Variants in TMEM120A observed in about 807,000 individuals in gnomAD.
The protein encoded by TMEM120A is transmembrane protein 120A.
A neutral mutation model predicts 54.3 loss-of-function variants in TMEM120A; 45 were observed. That is an observed-to-expected ratio of 0.83 (90% CI 0.65 to 1.06). The LOEUF is 1.06. Ranked by LOEUF, TMEM120A falls within the 50% of genes least tolerant of loss-of-function variation. The pLI, the probability that TMEM120A is intolerant of heterozygous loss-of-function variation, is 0.00. For synonymous variants in TMEM120A, 204 were observed against 178.5 expected, an observed-to-expected ratio of 1.14 and a Z score of -1.14; for missense variants, 424 against 441.7, an observed-to-expected ratio of 0.96 and a Z score of 0.36.
At position 75,987,989 on chromosome 7, in the gene TMEM120A, G is replaced by A. The variant is rs782681632; in HGVS notation, c.630-5C>T. 6.3e-7 allele frequency: 1 copy of A among 1,599,162 alleles called. No homozygotes were observed. The highest frequency in any genetic ancestry group is 8.5e-7 in the Non-Finnish European group (1 of 1,173,490). On this transcript the variant is annotated splice_region_variant and splice_polypyrimidine_tract_variant and intron_variant, in intron 7 of 11. Coordinates refer to ENST00000493111, the MANE Select transcript of TMEM120A (RefSeq NM_031925.3). Reference sequence around the variant, plus strand: ...TGGTACATGAGACCGTCGGGCCTAAGGTAAAAAGTGGAGGGCAGTGTGGGG... The same window carrying A: ...TGGTACATGAGACCGTCGGGCCTAAAGTAAAAAGTGGAGGGCAGTGTGGGG...
In TMEM120A at chr7:75,988,498, C is replaced by G. The variant is rs1585141203; in HGVS notation, c.396G>C (p.Glu132Asp). ...TGAGGTAGAGCTTGAACTTCTCATA[C>G]TCGTCCTTGTAGGCAAACCTGGGGG... ...SKQAKFAYKD[E>D]YEKFKLYLTI... The change falls in exon 5 of 12, where the codon GAG becomes GAC. Residue 132 changes from glutamate to aspartate, a missense_variant. Transcript: ENST00000493111. 3 of 1,607,552 alleles carry G rather than the reference C, an allele frequency of 1.9e-6. No homozygotes were observed. The highest frequency in any genetic ancestry group is 2.5e-6 in the Non-Finnish European group (3 of 1,178,776).
At chr7:75,988,041 C>A in intron 7 of TMEM120A, 42 bp downstream of exon 7, 1 of 1,597,058 alleles carries the variant, frequency 6.3e-7, no homozygotes, top group Middle Eastern at 1.7e-4. Context: ...TGTATCCCCT[C>A]CTTGTCCCAG....
At chr7:75,993,787 C>T (rs1554562394) in intron 1 of TMEM120A, among the ~76,000 whole-genome samples, 2 of 152,202 alleles carry the variant, frequency 1.3e-5, no homozygotes, top group African/African-American at 4.8e-5. Context: ...CTCTTCCCTG[C>T]CTGGATGAGG....
chr7:75,993,531 G>T (rs560769832), intron 1 of TMEM120A, among the ~76,000 whole-genome samples: 2 of 152,366 alleles, frequency 1.3e-5, no homozygotes, highest in Non-Finnish European at 2.9e-5. Context: ...CAGGCGGGGA[G>T]ACTGGGTCTG....
rs1295147163 is a variant in TMEM120A, at chr7:75,992,328, G to A, written c.201-68C>T. 6.4e-6 allele frequency: 10 copies of A among 1,551,572 alleles called. No homozygotes were observed. In the African/African-American group the frequency reaches 1.4e-4, roughly 21 times the overall value. On this transcript the variant is annotated intron_variant, in intron 2 of 11. Coordinates refer to ENST00000493111, the MANE Select transcript of TMEM120A (RefSeq NM_031925.3). The stretch of plus-strand genomic sequence containing the variant: ...AGTGTCCTCCCTGACTCCCACAGGG[G>A]CAGAAGGGCAAACAGGGCCCAGAGA...
chr7:75,993,739 C>T (rs1278738410), intron 1 of TMEM120A, among the ~76,000 whole-genome samples: 5 of 152,210 alleles, frequency 3.3e-5, no homozygotes, highest in Admixed American at 6.5e-5. Flanking sequence ...CCCTCGGACC[C>T]CAGCACGTGC....
In TMEM120A at chr7:75,989,228, G is replaced by T; in HGVS notation, c.318-4C>A. The T allele has an allele frequency of 6.4e-7, 1 of 1,560,970 alleles. No homozygotes were observed. On this transcript the variant is annotated splice_region_variant and splice_polypyrimidine_tract_variant and intron_variant, in intron 3 of 11. Coordinates refer to ENST00000493111, the MANE Select transcript of TMEM120A (RefSeq NM_031925.3). The stretch of plus-strand genomic sequence containing the variant: ...CAGAACCAGGCTCAGGTACAATCTA[G>T]GGAAGGGGGTGGCGGGGTGAGGAGA...
chr7:75,987,169 G>C lies in TMEM120A; in HGVS notation c.*3C>G, dbSNP rs200223794. 1 of 1,593,570 alleles carries C rather than the reference G, an allele frequency of 6.3e-7. No individual in the cohort carries two copies. The highest frequency in any genetic ancestry group is 1.1e-5 in the South Asian group (1 of 87,868). On this transcript the variant is annotated 3_prime_UTR_variant, in exon 12 of 12. Transcript: ENST00000493111. ...CTCTGGGCCGGCAGGGGAAGGCCCA[G>C]CCTCAATCCTTCTTGCTCCCGTGCC... is the stretch of plus-strand genomic sequence containing the variant.
chr7:75,994,141 C>T (rs1341177783), intron 1 of TMEM120A, among the ~76,000 whole-genome samples: 5 of 152,234 alleles, frequency 3.3e-5, no homozygotes, highest in Admixed American at 6.5e-5. Flanking sequence ...TCGGGCGCTG[C>T]CCGCTGCGCG....
chr7:75,992,249 G>A lies in TMEM120A; in HGVS notation c.212C>T (p.Ser71Phe), dbSNP rs371384423. 1.5e-5 allele frequency: 24 copies of A among 1,608,808 alleles called. No individual in the cohort carries two copies. The highest frequency in any genetic ancestry group is 2.0e-5 in the Non-Finnish European group (23 of 1,177,508). The change falls in exon 3 of 12, where the codon TCC becomes TTC. Residue 71 changes from serine to phenylalanine, a missense_variant. Coordinates refer to ENST00000493111, the MANE Select transcript of TMEM120A (RefSeq NM_031925.3). ...GGCCCCCTCGGCCTCTGCTGGGAGG[G>A]AGGGTTTGCATCTGCGGGTAAGGCC... Reference protein sequence around the residue: ...LALALKKCKPSLPAEAEGAAQ... With the variant: ...LALALKKCKPFLPAEAEGAAQ...
rs537155232 is a variant in TMEM120A, at chr7:75,987,080, CCT to C, written c.*90_*91del. 2.5e-5 allele frequency: 27 copies of C among 1,080,380 alleles called. No homozygotes were observed. Among genetic ancestry groups the C allele is most frequent in the Admixed American group, 1.1e-4 (5 of 47,592 alleles). 66.9% of individuals were successfully genotyped at this position (1,080,380 alleles called of 1,614,324 possible). A position where few individuals can be genotyped will look rare whatever the true frequency, so the allele number is the denominator to read the frequency against. On this transcript the variant is annotated 3_prime_UTR_variant, in exon 12 of 12. Transcript: ENST00000493111. ...ACCCAAGGGAGAATAGAAGAGACCC[CCT>C]GATACACGCACACTCGAGGGGCGCC...
intron 3 of TMEM120A, among the ~76,000 whole-genome samples, chr7:75,989,765 C>G (rs1383410825): frequency 6.6e-6 from 1 of 152,078 alleles, no homozygotes; most frequent in African/African-American, 2.4e-5. Context: ...CACGACCCCC[C>G]TTGTCCCTCA....
At chr7:75,989,645 C>A (rs1223429052) in intron 3 of TMEM120A, among the ~76,000 whole-genome samples, 1 of 151,900 alleles carries the variant, frequency 6.6e-6, no homozygotes, top group East Asian at 1.9e-4. Flanking sequence ...ACTTCAGAGA[C>A]CCACACGCCT....
intron 3 of TMEM120A, among the ~76,000 whole-genome samples, chr7:75,989,550 C>T (rs751647081): frequency 6.6e-6 from 1 of 151,334 alleles, no homozygotes; most frequent in African/African-American, 2.4e-5. Context: ...GTCCCCCTGT[C>T]CCCGATTGCT....
intron 3 of TMEM120A, 76 bp downstream of exon 3, chr7:75,992,068 A>G: frequency 2.8e-6 from 3 of 1,065,052 alleles, no homozygotes; most frequent in Non-Finnish European, 4.2e-6. Flanking sequence ...TGCTGACTAT[A>G]ATGACCAAGA....
intron 1 of TMEM120A, among the ~76,000 whole-genome samples, chr7:75,994,077 C>A (rs1554562516): frequency 6.6e-6 from 1 of 152,106 alleles, no homozygotes; most frequent in African/African-American, 2.4e-5. Flanking sequence ...GGGCGTCCCC[C>A]ATCCAGGCCG....
rs1389635118 is a variant in TMEM120A at position 75,988,132 on chromosome 7, C to T, written c.580G>A (p.Val194Met). 1.2e-6 allele frequency: 2 copies of T among 1,610,566 alleles called. No homozygotes were observed. The highest frequency in any genetic ancestry group is 4.5e-5 in the East Asian group (2 of 44,786). ...NNGSRIKGWWVFHHYVSTFLS... is the reference protein window; with the variant it reads ...NNGSRIKGWWMFHHYVSTFLS... Reference sequence around the variant, plus strand: ...AAGGTGGACACGTAGTGATGGAACACCCACCAGCCTTTGATCCTGGAGCAG... The same window carrying T: ...AAGGTGGACACGTAGTGATGGAACATCCACCAGCCTTTGATCCTGGAGCAG... Residue 194 changes from valine to methionine, a missense_variant, in exon 7 of 12, where the codon GTG (valine) becomes ATG (methionine). Physicochemically the swap from Val to Met is conservative, Grantham distance 21. Coordinates refer to ENST00000493111, the MANE Select transcript of TMEM120A (RefSeq NM_031925.3).
chr7:75,987,535 TA>T lies in TMEM120A; in HGVS notation c.849+2del. The T allele has an allele frequency of 1.3e-6, 2 of 1,589,798 alleles. No individual in the cohort carries two copies. The highest frequency in any genetic ancestry group is 3.6e-5 in the Admixed American group (2 of 56,242). On this transcript the variant is annotated splice_donor_variant, in intron 10 of 11. Transcript: ENST00000493111. LOFTEE classifies it high-confidence loss of function. ...CAGGCAGGGACACAGAGGCACGACT[TA>T]CGTGTCCAAAGAAAAGAAAAGGCAG...
chr7:75,987,034 A>G lies in TMEM120A; in HGVS notation c.*138T>C. On this transcript the variant is annotated 3_prime_UTR_variant, in exon 12 of 12. Coordinates refer to ENST00000493111, the MANE Select transcript of TMEM120A (RefSeq NM_031925.3). ...GGGCACTGGGCCCAGGTCTTCCTTCAGGGCCCACAGCGCCCATAAAACCCA... is the reference window on the plus strand; with the variant it reads ...GGGCACTGGGCCCAGGTCTTCCTTCGGGGCCCACAGCGCCCATAAAACCCA... The G allele has an allele frequency of 1.4e-6, 1 of 726,926 alleles. No individual in the cohort carries two copies. The highest frequency in any genetic ancestry group is 2.3e-6 in the Non-Finnish European group (1 of 436,438). The allele number at this position is 726,926 out of a possible 1,614,324, so 45.0% of individuals were successfully genotyped here.
Sources: allele counts gnomAD v4.1 joint callset (sites outside exome capture counted in the v4.1 genomes callset), GRCh38; gene constraint gnomAD v4.1.1; transcripts MANE v1.5; gene names NCBI Gene and HGNC (gene_info 2026-07-23, HGNC 2026-07-21).